The following KCNH1 variants were observed in gnomAD, a reference collection of about 807,000 sequenced individuals.
The protein encoded by KCNH1 is voltage-gated delayed rectifier potassium channel KCNH1.
KCNH1 carries 27 observed loss-of-function variants against 69.2 expected under a neutral mutation model. That is an observed-to-expected ratio of 0.39 (90% CI 0.29 to 0.54). The LOEUF is 0.54. KCNH1 is among the 20% of genes least tolerant of loss of function. The probability of loss-of-function intolerance (pLI) is 0.68; values close to 1 mark genes in which losing one functional copy is unlikely to be tolerated. For synonymous variants in KCNH1, 456 were observed against 487.7 expected, an observed-to-expected ratio of 0.93 and a Z score of 0.86; for missense variants, 798 against 1,261.6, an observed-to-expected ratio of 0.63 and a Z score of 5.57.
chr1:211,021,890 T>C (rs1233539556), intron 5 of KCNH1, among the ~76,000 whole-genome samples: 1 of 152,096 alleles, frequency 6.6e-6, no homozygotes, highest in Non-Finnish European at 1.5e-5. Context: ...TATTACAATG[T>C]GCAATTACCC....
chr1:211,022,476 G>C (rs1332146170), intron 5 of KCNH1, among the ~76,000 whole-genome samples: 1 of 152,054 alleles, frequency 6.6e-6, no homozygotes, highest in East Asian at 1.9e-4. Context: ...AGCCAAATAG[G>C]ATTATATCAA....
At chr1:210,747,122 T>G (rs915039910) in intron 10 of KCNH1, among the ~76,000 whole-genome samples, 3 of 152,124 alleles carry the variant, frequency 2.0e-5, no homozygotes, top group African/African-American at 7.2e-5. Flanking sequence ...GACTAGGTTT[T>G]AAGTAGAAAA....
chr1:210,732,800 G>A (rs1682776403), intron 10 of KCNH1, among the ~76,000 whole-genome samples: 1 of 152,172 alleles, frequency 6.6e-6, no homozygotes, highest in African/African-American at 2.4e-5. Flanking sequence ...TTTTATAAGG[G>A]CATTAATCCC....
chr1:210,801,389 A>G (rs1245964882), intron 8 of KCNH1, among the ~76,000 whole-genome samples: 2 of 152,222 alleles, frequency 1.3e-5, no homozygotes, highest in African/African-American at 4.8e-5. Context: ...CCCCAGCAGT[A>G]GCCTGCCACA....
intron 6 of KCNH1, among the ~76,000 whole-genome samples, chr1:210,975,384 C>G (rs547422532): frequency 6.6e-6 from 1 of 152,306 alleles, no homozygotes; most frequent in South Asian, 2.1e-4. Context: ...CAGCATGGTA[C>G]TGGTACCAAA....
Position 210,678,459 on chromosome 1 carries a change from T to G in KCNH1, c.*4822A>C, listed in dbSNP as rs760416700. On this transcript the variant is annotated 3_prime_UTR_variant, in exon 11 of 11. Transcript: ENST00000271751. ...TCTTAACATTCCCAAGCCACAGATA[T>G]ACAGTGGTGTTCTTGGCAGCATCCT... The G allele has an allele frequency of 3.9e-5, 6 of 152,208 alleles. No homozygotes were observed. Among genetic ancestry groups the G allele is most frequent in the African/African-American group, 1.4e-4 (6 of 41,460 alleles). The allele number at this position is 152,208 out of a possible 1,614,324, so 9.4% of individuals were successfully genotyped here.
At chr1:210,766,292 G>A (rs1390965307) in intron 10 of KCNH1, among the ~76,000 whole-genome samples, 1 of 152,090 alleles carries the variant, frequency 6.6e-6, no homozygotes, top group Non-Finnish European at 1.5e-5. Context: ...TTGGGAGGCT[G>A]AGGCAGGCGG....
At chr1:211,045,035 G>T (rs1690067310) in intron 5 of KCNH1, among the ~76,000 whole-genome samples, 1 of 35,394 alleles carries the variant, frequency 2.8e-5, no homozygotes, top group Non-Finnish European at 7.2e-5. Context: ...TGGATAAATT[G>T]TGGGGGATAT....
At chr1:210,950,626 C>T (rs956152699) in intron 6 of KCNH1, among the ~76,000 whole-genome samples, 4 of 151,710 alleles carry the variant, frequency 2.6e-5, no homozygotes, top group African/African-American at 9.7e-5. Flanking sequence ...CATTGTTGGA[C>T]TTTTGGGTTG....
At chr1:210,799,846 C>T (rs1451669400) in intron 8 of KCNH1, among the ~76,000 whole-genome samples, 3 of 152,222 alleles carry the variant, frequency 2.0e-5, no homozygotes, top group Non-Finnish European at 2.9e-5. Context: ...TCTCACCTCA[C>T]CACTGATGGC....
At chr1:211,103,350 C>A in intron 3 of KCNH1, 146 bp downstream of exon 3, 2 of 562,990 alleles carry the variant, frequency 3.6e-6, no homozygotes, top group South Asian at 4.5e-5. Context: ...CAATCTATAT[C>A]ATCCATCCCA....
At chr1:210,853,171 C>T (rs970953526) in intron 7 of KCNH1, among the ~76,000 whole-genome samples, 1 of 152,158 alleles carries the variant, frequency 6.6e-6, no homozygotes, top group Non-Finnish European at 1.5e-5. Flanking sequence ...CTGCCACTTA[C>T]TGGCCACGTA....
At chr1:210,841,383 A>C (rs1436409402) in intron 7 of KCNH1, among the ~76,000 whole-genome samples, 3 of 152,178 alleles carry the variant, frequency 2.0e-5, no homozygotes, top group African/African-American at 7.2e-5. Context: ...GATCCTCTAC[A>C]TTTTCAAGAA....
intron 7 of KCNH1, among the ~76,000 whole-genome samples, chr1:210,832,010 G>A (rs569700364): frequency 2.8e-4 from 43 of 152,148 alleles, no homozygotes; most frequent in African/African-American, 9.4e-4. Context: ...AGTTACGTGT[G>A]GTTAGTGGCT....
intron 6 of KCNH1, among the ~76,000 whole-genome samples, chr1:210,954,184 C>T (rs1276996230): frequency 1.3e-5 from 2 of 152,062 alleles, no homozygotes; most frequent in Non-Finnish European, 2.9e-5. Context: ...TGACAGTTTG[C>T]TCAGAATGAT....
intron 6 of KCNH1, among the ~76,000 whole-genome samples, chr1:210,948,735 A>T (rs1323390791): frequency 6.6e-6 from 1 of 152,008 alleles, no homozygotes; most frequent in Non-Finnish European, 1.5e-5. Context: ...CGGGAGGCTA[A>T]GGCAGGAGAA....
chr1:210,742,408 G>A (rs1574226734), intron 10 of KCNH1, among the ~76,000 whole-genome samples: 1 of 152,174 alleles, frequency 6.6e-6, no homozygotes, highest in Non-Finnish European at 1.5e-5. Context: ...CAATGCTGGG[G>A]TAACCATCCA....
Position 210,937,322 on chromosome 1 carries a change from G to A in KCNH1, c.1033-17253C>T, listed in dbSNP as rs190770299. 2.8e-3 allele frequency among the ~76,000 whole-genome samples: 429 copies of A among 152,310 alleles called. 4 individuals carry two copies. Among genetic ancestry groups the A allele is most frequent in the South Asian group, 0.024 (115 of 4,828 alleles). The stretch of plus-strand genomic sequence containing the variant: ...TGCATGGCCACATAGTGTCTCAACT[G>A]TCTTCCTGTGTTTGAGGAATCACCA... On this transcript the variant is annotated intron_variant, in intron 6 of 10. Coordinates refer to ENST00000271751, the MANE Select transcript of KCNH1 (RefSeq NM_172362.3).
intron 6 of KCNH1, among the ~76,000 whole-genome samples, chr1:211,012,570 C>T (rs756599748): frequency 1.3e-5 from 2 of 152,088 alleles, no homozygotes; most frequent in Non-Finnish European, 2.9e-5. Context: ...TATGTTATGA[C>T]ATTCTGAAAA....
Sources: gnomAD v4.1 joint callset for allele counts (sites outside exome capture counted in the v4.1 genomes callset) on GRCh38, gnomAD v4.1.1 for gene constraint, MANE v1.5 for transcripts, NCBI Gene and HGNC (gene_info 2026-07-23, HGNC 2026-07-21) for gene names.